PTPN3: variants seen among roughly 807,000 people sequenced by gnomAD.
PTPN3 encodes protein tyrosine phosphatase non-receptor type 3.
PTPN3 carries 96 observed loss-of-function variants against 132.7 expected under a neutral mutation model. That is an observed-to-expected ratio of 0.72 (90% CI 0.61 to 0.86). The LOEUF is 0.86. Among genes scored for constraint, PTPN3 ranks in the 40% least tolerant of loss-of-function variants. The probability of loss-of-function intolerance (pLI) is 0.00; values close to 1 mark genes in which losing one functional copy is unlikely to be tolerated. For synonymous variants in PTPN3, 398 were observed against 429.0 expected (o/e 0.93, Z 0.89); for missense variants, 1,125 against 1,159.6 (o/e 0.97, Z 0.43).
At chr9:109,404,668 C>T in intron 18 of PTPN3, 60 bp from the exon 19 acceptor site, 1 of 1,351,994 alleles carries the variant, frequency 7.4e-7, no homozygotes, top group African/African-American at 1.4e-5. Flanking sequence ...TATCCGTCTC[C>T]CTCAAACAAA....
At chr9:109,482,969 C>T (rs1045705188) in intron 1 of PTPN3, among the ~76,000 whole-genome samples, 1 of 152,234 alleles carries the variant, frequency 6.6e-6, no homozygotes, top group Non-Finnish European at 1.5e-5. Flanking sequence ...TCTGCTGCTT[C>T]TACTCAGCCT....
the PTPN3 span, chr9:109,534,212 C>G: frequency 4.5e-6 from 6 of 1,319,788 alleles, no homozygotes; most frequent in Non-Finnish European, 6.4e-6. Flanking sequence ...GTGAAGCCTC[C>G]CGGGCCACCG....
intron 24 of PTPN3, among the ~76,000 whole-genome samples, chr9:109,382,048 G>A (rs1202860586): frequency 6.6e-6 from 1 of 152,188 alleles, no homozygotes; most frequent in Non-Finnish European, 1.5e-5. Context: ...CTATGACGAA[G>A]GTCAGCTGAC....
chr9:109,522,341 C>T, the PTPN3 span, among the ~76,000 whole-genome samples: 1 of 152,172 alleles, frequency 6.6e-6, no homozygotes, highest in Non-Finnish European at 1.5e-5. Context: ...AAAGTTCAGA[C>T]AGTTTCGAAG....
At chr9:109,505,723 G>A in the PTPN3 span, among the ~76,000 whole-genome samples, 1 of 152,016 alleles carries the variant, frequency 6.6e-6, no homozygotes, top group Non-Finnish European at 1.5e-5. Context: ...ATGCTTGGAT[G>A]GATGGAACTG....
At chr9:109,393,238 T>A (rs1287443649) in intron 19 of PTPN3, among the ~76,000 whole-genome samples, 1 of 152,196 alleles carries the variant, frequency 6.6e-6, no homozygotes, top group African/African-American at 2.4e-5. Flanking sequence ...ACACATATGA[T>A]CTTTAATGGT....
intron 7 of PTPN3, among the ~76,000 whole-genome samples, chr9:109,441,267 TTTC>T (rs1844442741): frequency 6.6e-6 from 1 of 152,042 alleles, no homozygotes; most frequent in Non-Finnish European, 1.5e-5. Flanking sequence ...AGTTCCATGC[TTTC>T]TTCTGGTTGA....
chr9:109,406,658 A>C, intron 17 of PTPN3, 40 bp from the exon 18 acceptor site: 2 of 1,608,792 alleles, frequency 1.2e-6, no homozygotes, highest in Middle Eastern at 1.7e-4. Flanking sequence ...TGTTACCATA[A>C]CACAGTCCTT....
chr9:109,383,793 C>T (rs138485285), intron 22 of PTPN3, among the ~76,000 whole-genome samples: 31 of 152,258 alleles, frequency 2.0e-4, no homozygotes, highest in Non-Finnish European at 4.4e-4. Flanking sequence ...GAGGACGCAG[C>T]GTCTTCATCA....
chr9:109,510,590 T>A, the PTPN3 span, among the ~76,000 whole-genome samples: 7 of 124,290 alleles, frequency 5.6e-5, no homozygotes, highest in African/African-American at 2.1e-4. Context: ...TATATATATA[T>A]ATATATATAT....
chr9:109,519,140 G>C, the PTPN3 span, among the ~76,000 whole-genome samples: 1 of 152,156 alleles, frequency 6.6e-6, no homozygotes, highest in Non-Finnish European at 1.5e-5. Flanking sequence ...GCATATCAGG[G>C]CATCAGAAAA....
chr9:109,508,971 A>G, the PTPN3 span, among the ~76,000 whole-genome samples: 1 of 151,936 alleles, frequency 6.6e-6, no homozygotes, highest in Non-Finnish European at 1.5e-5. Flanking sequence ...AGGTGGGAGG[A>G]TTGCTTGAGG....
chr9:109,470,348 G>A (rs1036809645), intron 1 of PTPN3, among the ~76,000 whole-genome samples: 1 of 152,072 alleles, frequency 6.6e-6, no homozygotes, highest in East Asian at 1.9e-4. Flanking sequence ...ACAATCACTC[G>A]CATTGCTCAC....
chr9:109,443,457 C>T (rs1037417563), intron 7 of PTPN3, among the ~76,000 whole-genome samples: 1 of 152,104 alleles, frequency 6.6e-6, no homozygotes, highest in African/African-American at 2.4e-5. Flanking sequence ...GGGATCCTCC[C>T]GTCTCAGCCT....
Position 109,383,527 on chromosome 9 carries a change from C to A in PTPN3, c.2278G>T (p.Asp760Tyr). Residue 760 changes from aspartate to tyrosine, a missense_variant, in exon 23 of 26, where the codon GAT becomes TAT. By Grantham distance (160) the Asp-to-Tyr change is radical. Coordinates refer to ENST00000374541, the MANE Select transcript of PTPN3 (RefSeq NM_002829.4). Reference protein sequence around the residue: ...GRTKCHQYWPDPPDVMNHGGF... With the variant: ...GRTKCHQYWPYPPDVMNHGGF... ...CCGTGGTTCATGACGTCGGGGGGAT[C>A]TGGCCAGTACTGGTGACATTTGGTC... 6.2e-7 allele frequency: 1 copy of A among 1,614,080 alleles called. No homozygotes were observed. Among genetic ancestry groups the A allele is most frequent in the South Asian group, 1.1e-5 (1 of 91,050 alleles).
chr9:109,510,376 T>C, the PTPN3 span, among the ~76,000 whole-genome samples: 4 of 151,436 alleles, frequency 2.6e-5, no homozygotes, highest in African/African-American at 4.9e-5. Context: ...CTGACCAACA[T>C]GGAGAAACCC....
At chr9:109,510,576 A>AAAAAAAAAT in the PTPN3 span, among the ~76,000 whole-genome samples, 1 of 47,330 alleles carries the variant, frequency 2.1e-5, no homozygotes, top group African/African-American at 7.5e-5. Context: ...AAAAAAAAAA[A>AAAAAAAAAT]ATATATATAT....
chr9:109,397,327 A>C (rs545739873), intron 19 of PTPN3, among the ~76,000 whole-genome samples: 87 of 152,376 alleles, frequency 5.7e-4, no homozygotes, highest in African/African-American at 2.0e-3. Context: ...AAATTTGTAG[A>C]GTCAAGGAAT....
At chr9:109,390,765 T>C (rs955106135) in intron 21 of PTPN3, among the ~76,000 whole-genome samples, 1 of 148,500 alleles carries the variant, frequency 6.7e-6, no homozygotes, top group Admixed American at 6.7e-5. Context: ...ATTTTTCTCA[T>C]TTTTTTTTTA....
Sources: gnomAD v4.1 joint callset for allele counts (sites outside exome capture counted in the v4.1 genomes callset) on GRCh38, gnomAD v4.1.1 for gene constraint, MANE v1.5 for transcripts, NCBI Gene and HGNC (gene_info 2026-07-23, HGNC 2026-07-21) for gene names.